Variants in FOCAD observed in about 807,000 individuals in gnomAD.
FOCAD encodes the protein KIAA1797.
FOCAD carries 198 observed loss-of-function variants against 225.6 expected under a neutral mutation model. That is an observed-to-expected ratio of 0.88 (90% CI 0.78 to 0.99). The LOEUF (loss-of-function observed/expected upper bound fraction) is 0.99. FOCAD is among the 50% of genes least tolerant of loss of function. The pLI, the probability that FOCAD is intolerant of heterozygous loss-of-function variation, is 0.00. For synonymous variants in FOCAD, 897 were observed against 755.0 expected (o/e 1.19, Z -3.08); for missense variants, 2,713 against 2,123.6 (o/e 1.28, Z -5.46).
At chr9:20,842,332 G>A (rs1307865424) in intron 15 of FOCAD, among the ~76,000 whole-genome samples, 1 of 151,890 alleles carries the variant, frequency 6.6e-6, no homozygotes, top group Non-Finnish European at 1.5e-5. Context: ...AATGCTGAAG[G>A]TGGGGTGTTG....
intron 35 of FOCAD, among the ~76,000 whole-genome samples, chr9:20,972,722 C>A (rs1012685352): frequency 6.6e-6 from 1 of 152,046 alleles, no homozygotes; most frequent in African/African-American, 2.4e-5. Flanking sequence ...AATTCTGTTT[C>A]TTTTTCTGCT....
At chr9:20,936,282 T>C (rs558760978) in intron 28 of FOCAD, among the ~76,000 whole-genome samples, 2 of 152,356 alleles carry the variant, frequency 1.3e-5, no homozygotes, top group South Asian at 2.1e-4. Context: ...ATTTCTGGCC[T>C]TTAGGAACTT....
chr9:20,800,335 C>T (rs1047096733), intron 11 of FOCAD, among the ~76,000 whole-genome samples: 1 of 152,012 alleles, frequency 6.6e-6, no homozygotes, highest in African/African-American at 2.4e-5. Context: ...CTTGGAGTTG[C>T]TCTTCTCGAG....
intron 11 of FOCAD, among the ~76,000 whole-genome samples, chr9:20,796,789 T>A (rs936695202): frequency 2.0e-5 from 3 of 152,070 alleles, no homozygotes; most frequent in African/African-American, 7.2e-5. Context: ...GATGGTAGTT[T>A]CTTTTGCTGT....
At chr9:20,726,940 T>A (rs189355774) in intron 4 of FOCAD, among the ~76,000 whole-genome samples, 287 of 152,246 alleles carry the variant, frequency 1.9e-3, no homozygotes, top group Non-Finnish European at 2.4e-3. Flanking sequence ...CTTTATGAGG[T>A]TTCCTCCAAG....
intron 1 of FOCAD, chr9:20,694,413 G>A (rs1187160284): frequency 6.6e-6 from 1 of 152,088 alleles, no homozygotes; most frequent in Admixed American, 6.6e-5. Flanking sequence ...CTATTATAAG[G>A]AGTGTAATAT....
At chr9:20,772,279 T>TG (rs1488442606) in intron 8 of FOCAD, among the ~76,000 whole-genome samples, 1 of 152,174 alleles carries the variant, frequency 6.6e-6, no homozygotes, top group Non-Finnish European at 1.5e-5. Context: ...GAGGTATGTA[T>TG]GGATCATACA....
intron 34 of FOCAD, 24 bp downstream of exon 34, chr9:20,951,122 T>C: frequency 6.3e-7 from 1 of 1,581,658 alleles, no homozygotes; most frequent in Non-Finnish European, 8.7e-7. Context: ...CATAAAATAC[T>C]GGAGCTGGAA....
chr9:20,769,283 G>C (rs904388022), intron 7 of FOCAD, among the ~76,000 whole-genome samples: 1 of 152,090 alleles, frequency 6.6e-6, no homozygotes, highest in Non-Finnish European at 1.5e-5. Context: ...AGGTACTGCC[G>C]GTCAACCGTA....
chr9:20,893,411 A>G (rs930357347), intron 21 of FOCAD, among the ~76,000 whole-genome samples: 1 of 152,140 alleles, frequency 6.6e-6, no homozygotes, highest in Non-Finnish European at 1.5e-5. Context: ...ATATAGTGGG[A>G]TAGTTTTCCT....
In FOCAD at chr9:20,882,020, A is replaced by G. The variant is rs1830709466; in HGVS notation, c.2467A>G (p.Thr823Ala). The G allele has an allele frequency of 6.2e-7, 1 of 1,613,858 alleles. No individual in the cohort carries two copies. Among genetic ancestry groups the G allele is most frequent in the Non-Finnish European group, 8.5e-7 (1 of 1,179,852 alleles). The change falls in exon 20 of 44, where the codon ACA becomes GCA. Residue 823 changes from threonine to alanine, a missense_variant. By Grantham distance (58) the Thr-to-Ala change is moderately conservative (BLOSUM62 0). Coordinates refer to ENST00000338382, the MANE Select transcript of FOCAD (RefSeq NM_001375567.1). ...CAATTTTATATTGAAAATGTATGAA[A>G]CAAACAAGCAACCAGGACTGAAACC... ...IPNFILKMYE[T>A]NKQPGLKPGL... is the part of the protein sequence containing the mutation.
chr9:20,846,183 G>A (rs1053770086), intron 15 of FOCAD, among the ~76,000 whole-genome samples: 1 of 152,020 alleles, frequency 6.6e-6, no homozygotes, highest in African/African-American at 2.4e-5. Flanking sequence ...TTCATCTGTG[G>A]CTACACTTAG....
chr9:20,790,542 T>G (rs1820413691), intron 11 of FOCAD, among the ~76,000 whole-genome samples: 1 of 152,090 alleles, frequency 6.6e-6, no homozygotes, highest in Non-Finnish European at 1.5e-5. Flanking sequence ...AAGGCTGAGG[T>G]GGGCAGATCA....
intron 4 of FOCAD, among the ~76,000 whole-genome samples, chr9:20,727,088 T>A (rs1218250362): frequency 6.6e-6 from 1 of 152,190 alleles, no homozygotes; most frequent in Non-Finnish European, 1.5e-5. Flanking sequence ...ACAGAGTTGC[T>A]AGTCCATGTC....
At chr9:20,781,424 C>T (rs1044452546) in intron 9 of FOCAD, among the ~76,000 whole-genome samples, 2 of 152,092 alleles carry the variant, frequency 1.3e-5, no homozygotes, top group African/African-American at 4.8e-5. Flanking sequence ...TTGCTGAGGG[C>T]AATACTAGCA....
At chr9:20,789,075 A>G (rs139087773) in intron 10 of FOCAD, among the ~76,000 whole-genome samples, 46 of 152,122 alleles carry the variant, frequency 3.0e-4, no homozygotes, top group African/African-American at 8.4e-4. Flanking sequence ...GATTTTGTAT[A>G]TTGATCCATA....
rs1413928452 is a variant in FOCAD at position 20,944,592 on chromosome 9, A to G, written c.3408-35A>G. The G allele has an allele frequency of 1.9e-6, 3 of 1,596,456 alleles. No homozygotes were observed. In the African/African-American group the frequency reaches 4.0e-5, roughly 21 times the overall value. ...TGAAGAGCAATTGTGTGGATTTCTTATGATCCTAACATCTTATCTTTTTTG... is the reference window on the plus strand; with the variant it reads ...TGAAGAGCAATTGTGTGGATTTCTTGTGATCCTAACATCTTATCTTTTTTG... On this transcript the variant is annotated intron_variant, in intron 28 of 43. Transcript: ENST00000338382.
chr9:20,798,608 C>T (rs1459760834), intron 11 of FOCAD, among the ~76,000 whole-genome samples: 2 of 152,090 alleles, frequency 1.3e-5, no homozygotes, highest in Admixed American at 6.5e-5. Context: ...TTATCCATTT[C>T]TTCTAGATTT....
chr9:20,955,522 C>CT lies in FOCAD; in HGVS notation c.4132+2472dup, dbSNP rs10715548. 4.4e-4 allele frequency among the ~76,000 whole-genome samples: 60 copies of CT among 136,578 alleles called. 1 individual carries two copies. Among genetic ancestry groups the CT allele is most frequent in the Middle Eastern group, 3.7e-3 (1 of 268 alleles). 89.6% of individuals were successfully genotyped at this position (136,578 alleles called of 152,430 possible). ...TTCATGGTTTTGACTATAACTGGGT[C>CT]TTTTTTTTTTTTTTTGCTATACCAT... On this transcript the variant is annotated intron_variant, in intron 35 of 43. Coordinates refer to ENST00000338382, the MANE Select transcript of FOCAD (RefSeq NM_001375567.1).
Sources: gnomAD v4.1 joint callset for allele counts (sites outside exome capture counted in the v4.1 genomes callset) on GRCh38, gnomAD v4.1.1 for gene constraint, MANE v1.5 for transcripts, NCBI Gene and HGNC (gene_info 2026-07-23, HGNC 2026-07-21) for gene names.